The following TTC27 variants were observed in gnomAD, a reference collection of about 807,000 sequenced individuals.
The protein encoded by TTC27 is tetratricopeptide repeat domain 27.
TTC27 carries 79 observed loss-of-function variants against 115.9 expected under a neutral mutation model. That is an observed-to-expected ratio of 0.68 (90% CI 0.57 to 0.82). The LOEUF (loss-of-function observed/expected upper bound fraction) is 0.82. Among genes scored for constraint, TTC27 ranks in the 40% least tolerant of loss-of-function variants. TTC27 has a pLI of 0.00. For missense variants in TTC27, 1,054 were observed against 993.1 expected (o/e 1.06, Z -0.82); for synonymous variants, 401 against 356.0 (o/e 1.13, Z -1.42).
At chr2:32,658,181 G>A (rs1665403494) in intron 5 of TTC27, among the ~76,000 whole-genome samples, 1 of 152,134 alleles carries the variant, frequency 6.6e-6, no homozygotes, top group East Asian at 1.9e-4. Flanking sequence ...GGAGTGCAGT[G>A]GTGTAATAAT....
chr2:32,776,640 A>T (rs1176850011), intron 13 of TTC27, among the ~76,000 whole-genome samples: 1 of 152,074 alleles, frequency 6.6e-6, no homozygotes, highest in East Asian at 1.9e-4. Flanking sequence ...ATGGAGTCTC[A>T]CTGTGTTGCC....
chr2:32,811,325 A>C, intron 17 of TTC27, 104 bp downstream of exon 17: 1 of 1,092,702 alleles, frequency 9.2e-7, no homozygotes, highest in Non-Finnish European at 1.3e-6. Flanking sequence ...CTGAAAGATA[A>C]GATTAGTATG....
intron 13 of TTC27, among the ~76,000 whole-genome samples, chr2:32,762,692 G>C (rs910151022): frequency 7.2e-5 from 11 of 151,864 alleles, no homozygotes; most frequent in African/African-American, 2.7e-4. Flanking sequence ...GGAGTGCAGT[G>C]GCGCGATCTC....
At chr2:32,654,717 A>G (rs998263184) in intron 5 of TTC27, among the ~76,000 whole-genome samples, 2 of 146,146 alleles carry the variant, frequency 1.4e-5, no homozygotes, top group African/African-American at 5.1e-5. Flanking sequence ...TTTTTTTGAG[A>G]TGGAGTCTCG....
chr2:32,790,205 A>T (rs1246245801), intron 16 of TTC27, among the ~76,000 whole-genome samples: 1 of 151,954 alleles, frequency 6.6e-6, no homozygotes, highest in Non-Finnish European at 1.5e-5. Flanking sequence ...TCTGATTCCA[A>T]TGTAACATGT....
chr2:32,814,688 G>T (rs1261920852), intron 18 of TTC27, among the ~76,000 whole-genome samples: 1 of 152,262 alleles, frequency 6.6e-6, no homozygotes, highest in East Asian at 1.9e-4. Flanking sequence ...TGTTTAGATA[G>T]ACAAATACTT....
chr2:32,668,572 T>TCCTCCCTCCCTCCCTCCCTC (rs1179317575), intron 7 of TTC27, among the ~76,000 whole-genome samples: 1 of 42,992 alleles, frequency 2.3e-5, no homozygotes, highest in Non-Finnish European at 6.2e-5. Flanking sequence ...CTTCCTTCCT[T>TCCTCCCTCCCTCCCTCCCTC]CCTTCCTTCC....
chr2:32,807,772 C>T (rs980065236), intron 16 of TTC27, among the ~76,000 whole-genome samples: 9 of 152,100 alleles, frequency 5.9e-5, no homozygotes, highest in African/African-American at 1.9e-4. Context: ...GTCACTCACC[C>T]TTAATGATTG....
intron 16 of TTC27, among the ~76,000 whole-genome samples, chr2:32,794,153 C>T (rs1670626755): frequency 6.6e-6 from 1 of 152,162 alleles, no homozygotes; most frequent in Non-Finnish European, 1.5e-5. Context: ...CATACGTATT[C>T]TTCCCAAGTG....
chr2:32,819,869 C>A (rs1426212421), intron 19 of TTC27, among the ~76,000 whole-genome samples: 1 of 152,234 alleles, frequency 6.6e-6, no homozygotes, highest in Non-Finnish European at 1.5e-5. Flanking sequence ...CTCCGTGCTT[C>A]CTCCTTACCC....
chr2:32,806,931 T>C (rs146248903), intron 16 of TTC27, among the ~76,000 whole-genome samples: 1 of 152,342 alleles, frequency 6.6e-6, no homozygotes, highest in Non-Finnish European at 1.5e-5. Context: ...TTAATTTTTA[T>C]TGAAATGTAG....
chr2:32,758,328 GAA>G lies in TTC27; in HGVS notation c.1491_1492del (p.Glu497AspfsTer3). ...CCTTAGACAAGAGCTGGAGAAAAAA[GAA>G]ACGCCTAGTTTATACTGCTTGCTTG... ...EILRQELEKK[E>X]TPSLYCLLGD... On this transcript the variant is annotated frameshift_variant, in exon 13 of 20. Coordinates refer to ENST00000317907, the MANE Select transcript of TTC27 (RefSeq NM_017735.5). LOFTEE classifies it high-confidence loss of function. The G allele has an allele frequency of 6.2e-7, 1 of 1,614,116 alleles. No individual in the cohort carries two copies. The highest frequency in any genetic ancestry group is 8.5e-7 in the Non-Finnish European group (1 of 1,180,020).
At chr2:32,631,760 A>G (rs1485307925) in intron 2 of TTC27, among the ~76,000 whole-genome samples, 2 of 152,142 alleles carry the variant, frequency 1.3e-5, no homozygotes, top group Non-Finnish European at 2.9e-5. Flanking sequence ...TTGCAAAAGA[A>G]TGCTACTACA....
intron 13 of TTC27, among the ~76,000 whole-genome samples, chr2:32,767,996 T>C (rs1048527693): frequency 3.3e-5 from 5 of 151,838 alleles, no homozygotes; most frequent in African/African-American, 1.2e-4. Context: ...TAGGAAAAAA[T>C]AAAAAATACT....
chr2:32,748,174 A>G (rs1668892349), intron 12 of TTC27, among the ~76,000 whole-genome samples: 2 of 152,030 alleles, frequency 1.3e-5, no homozygotes, highest in Non-Finnish European at 2.9e-5. Context: ...TTAATCTCAA[A>G]GTGTTTTTAA....
chr2:32,801,146 GT>G (rs2148036208), intron 16 of TTC27, among the ~76,000 whole-genome samples: 1 of 152,280 alleles, frequency 6.6e-6, no homozygotes, highest in East Asian at 1.9e-4. Context: ...CCTCGGAAGA[GT>G]TTTTCTCAGT....
At chr2:32,742,786 C>T (rs1668688700) in intron 12 of TTC27, among the ~76,000 whole-genome samples, 2 of 152,136 alleles carry the variant, frequency 1.3e-5, no homozygotes, top group African/African-American at 2.4e-5. Context: ...TGAGAAACAG[C>T]CTCTACAATA....
rs573956552 is a variant in TTC27, at chr2:32,714,310, C to T, written c.1233+11390C>T. ...AGTATCTGGCACTACAGGAGCCTGCCACCATGCCTGGCTAATTTTTTGTAT... is the reference window on the plus strand; with the variant it reads ...AGTATCTGGCACTACAGGAGCCTGCTACCATGCCTGGCTAATTTTTTGTAT... On this transcript the variant is annotated intron_variant, in intron 10 of 19. Coordinates refer to ENST00000317907, the MANE Select transcript of TTC27 (RefSeq NM_017735.5). Among the ~76,000 whole-genome samples the T allele has an allele frequency of 3.3e-5, 5 of 152,090 alleles. No individual in the cohort carries two copies. The East Asian group carries it at 9.7e-4, about 29-fold the overall frequency.
intron 16 of TTC27, among the ~76,000 whole-genome samples, chr2:32,792,822 G>A (rs1182829948): frequency 2.0e-5 from 3 of 152,250 alleles, no homozygotes; most frequent in Non-Finnish European, 4.4e-5. Flanking sequence ...GTCAAGGTTA[G>A]TGTTGGGAAA....
Sources: allele counts gnomAD v4.1 joint callset (sites outside exome capture counted in the v4.1 genomes callset), GRCh38; gene constraint gnomAD v4.1.1; transcripts MANE v1.5; gene names NCBI Gene and HGNC (gene_info 2026-07-23, HGNC 2026-07-21).